The following XKR3 variants were observed in gnomAD, a reference collection of about 807,000 sequenced individuals.
The protein encoded by XKR3 is XK-related protein 3.
A neutral mutation model predicts 40.3 loss-of-function variants in XKR3; 27 were observed. The observed-to-expected ratio is 0.67, with a 90% CI of 0.49 to 0.92. The LOEUF is 0.92. Ranked by LOEUF, XKR3 falls within the 40% of genes least tolerant of loss-of-function variation. The pLI, the probability that XKR3 is intolerant of heterozygous loss-of-function variation, is 0.00. For missense variants in XKR3, 472 were observed against 537.6 expected (o/e 0.88, Z 1.21); for synonymous variants, 193 against 195.4 (o/e 0.99, Z 0.10).
chr22:16,815,451 C>G (rs573291355), intron 1 of XKR3, among the ~76,000 whole-genome samples: 22 of 152,132 alleles, frequency 1.4e-4, no homozygotes, highest in African/African-American at 5.3e-4. Flanking sequence ...CAGAGTACTA[C>G]TTGCCTCATA....
At chr22:16,794,984 G>A (rs1399109746) in intron 3 of XKR3, among the ~76,000 whole-genome samples, 9 of 152,248 alleles carry the variant, frequency 5.9e-5, no homozygotes, top group Admixed American at 2.0e-4. Flanking sequence ...ATGGAGCACC[G>A]ATTTGTAGAA....
chr22:16,815,168 G>A (rs1451519371), intron 1 of XKR3, among the ~76,000 whole-genome samples: 1 of 151,926 alleles, frequency 6.6e-6, no homozygotes, highest in Middle Eastern at 3.2e-3. Context: ...ATCGTAGAAA[G>A]GTGTTGGATT....
At chr22:16,823,758 T>C (rs2060264919) in intron 1 of XKR3, among the ~76,000 whole-genome samples, 1 of 151,832 alleles carries the variant, frequency 6.6e-6, no homozygotes, top group Non-Finnish European at 1.5e-5. Context: ...ATAATAAATC[T>C]GACACCAATT....
At chr22:16,807,662 CT>C in intron 2 of XKR3, 76 bp downstream of exon 2, 1 of 1,284,986 alleles carries the variant, frequency 7.8e-7, no homozygotes, top group Non-Finnish European at 1.1e-6. Context: ...TTATGGCATC[CT>C]TAATCTTTTT....
intron 2 of XKR3, among the ~76,000 whole-genome samples, chr22:16,803,282 T>C (rs905569783): frequency 2.6e-5 from 4 of 152,146 alleles, no homozygotes; most frequent in African/African-American, 9.7e-5. Flanking sequence ...CAATATCCTT[T>C]ATGAACCACA....
At chr22:16,818,647 C>A (rs2060243433) in intron 1 of XKR3, among the ~76,000 whole-genome samples, 1 of 152,102 alleles carries the variant, frequency 6.6e-6, no homozygotes, top group South Asian at 2.1e-4. Context: ...ACAAGCTTCT[C>A]CCAGGTCAGT....
chr22:16,822,335 C>T (rs941700050), intron 1 of XKR3, among the ~76,000 whole-genome samples: 2 of 150,790 alleles, frequency 1.3e-5, no homozygotes, highest in Admixed American at 1.3e-4. Flanking sequence ...AAAGCAAGAA[C>T]TAAAGTAACA....
At chr22:16,807,691 CA>C in intron 2 of XKR3, 47 bp downstream of exon 2, 1 of 1,450,210 alleles carries the variant, frequency 6.9e-7, no homozygotes, top group Non-Finnish European at 9.3e-7. Context: ...TATTTATATT[CA>C]ATTTACTTGT....
Position 16,798,547 on chromosome 22 carries a change from C to A in XKR3, c.589+1224G>T, listed in dbSNP as rs146437209. ...CATATGTTCATTGCTGCACTATTCA[C>A]CATAGCAAAGACATGGGATCAACTC... is the stretch of plus-strand genomic sequence containing the variant. On this transcript the variant is annotated intron_variant, in intron 3 of 3. Transcript: ENST00000684488. Among the ~76,000 whole-genome samples, 395 of 152,250 alleles carry A rather than the reference C, an allele frequency of 2.6e-3. 2 individuals carry two copies. Among genetic ancestry groups the A allele is most frequent in the East Asian group, 0.018 (95 of 5,174 alleles).
At chr22:16,799,630 T>C in intron 3 of XKR3, 141 bp downstream of exon 3, 1 of 979,622 alleles carries the variant, frequency 1.0e-6, no homozygotes, top group Non-Finnish European at 1.5e-6. Context: ...GCTAATCAAA[T>C]AAATTCATAG....
At chr22:16,797,465 T>G (rs2060146230) in intron 3 of XKR3, among the ~76,000 whole-genome samples, 1 of 152,090 alleles carries the variant, frequency 6.6e-6, no homozygotes, top group Non-Finnish European at 1.5e-5. Context: ...GGAACTTAAA[T>G]CAACAAGCAC....
chr22:16,822,875 T>C (rs770025299), intron 1 of XKR3, among the ~76,000 whole-genome samples: 8 of 152,108 alleles, frequency 5.3e-5, no homozygotes, highest in Non-Finnish European at 1.0e-4. Context: ...CTTTTGGTTG[T>C]GGTGGGTATT....
intron 1 of XKR3, among the ~76,000 whole-genome samples, chr22:16,815,633 C>T (rs1056514171): frequency 6.6e-6 from 1 of 151,844 alleles, no homozygotes; most frequent in African/African-American, 2.4e-5. Flanking sequence ...GGTTAAGACA[C>T]ATATTTACTT....
intron 2 of XKR3, among the ~76,000 whole-genome samples, chr22:16,805,267 A>G (rs1400795234): frequency 1.3e-5 from 2 of 152,238 alleles, no homozygotes; most frequent in African/African-American, 2.4e-5. Flanking sequence ...TGCAAAAATG[A>G]TTTGTATTTC....
intron 1 of XKR3, among the ~76,000 whole-genome samples, chr22:16,819,260 G>T (rs576710712): frequency 6.6e-6 from 1 of 152,164 alleles, no homozygotes; most frequent in South Asian, 2.1e-4. Context: ...TCTCAAAAAG[G>T]ATTTTTTGAG....
chr22:16,786,357 C>A (rs1320477965), intron 3 of XKR3, among the ~76,000 whole-genome samples: 23 of 152,176 alleles, frequency 1.5e-4, no homozygotes, highest in South Asian at 6.2e-4. Context: ...ATTGCTTGAG[C>A]CCAGGAAGAA....
intron 1 of XKR3, among the ~76,000 whole-genome samples, chr22:16,810,745 C>A (rs2060209027): frequency 6.6e-6 from 1 of 152,198 alleles, no homozygotes; most frequent in African/African-American, 2.4e-5. Flanking sequence ...TAAGCTAAAA[C>A]CATGGTCCTT....
At chr22:16,792,482 T>C (rs1347254419) in intron 3 of XKR3, among the ~76,000 whole-genome samples, 1 of 152,172 alleles carries the variant, frequency 6.6e-6, no homozygotes, top group African/African-American at 2.4e-5. Context: ...TCCCATGGGA[T>C]ATGGTTGTGG....
chr22:16,805,072 CA>C (rs1185995671), intron 2 of XKR3, among the ~76,000 whole-genome samples: 1 of 151,778 alleles, frequency 6.6e-6, no homozygotes, highest in African/African-American at 2.4e-5. Flanking sequence ...AGGTTCTAAC[CA>C]AAATAATTAG....
Sources: allele counts gnomAD v4.1 joint callset (sites outside exome capture counted in the v4.1 genomes callset), GRCh38; gene constraint gnomAD v4.1.1; transcripts MANE v1.5; gene names NCBI Gene and HGNC (gene_info 2026-07-23, HGNC 2026-07-21).